The following DMD variants were observed in gnomAD, a reference collection of about 807,000 sequenced individuals.
The protein encoded by DMD is mutant dystrophin.
Under a neutral mutation model 330.1 loss-of-function variants are expected in DMD, and 63 were observed. The observed-to-expected ratio is 0.19, with a 90% CI of 0.16 to 0.24. The LOEUF (loss-of-function observed/expected upper bound fraction) is 0.24, where lower values mean the gene tolerates loss of function less well. DMD is among the 10% of genes least tolerant of loss of function. DMD has a pLI of 1.00. For missense variants in DMD, 3,344 were observed against 2,684.1 expected (o/e 1.25, Z -5.43); for synonymous variants, 1,223 against 959.8 (o/e 1.27, Z -5.07).
At chrX:31,137,221 G>A (rs1455739554) in intron 76 of DMD, among the ~76,000 whole-genome samples, 1 of 110,981 alleles carries the variant, frequency 9.0e-6, no homozygotes, top group African/African-American at 3.3e-5. Context: ...GGGTTTCACC[G>A]TGTTAGCCAG....
At chrX:32,072,490 TTC>T (rs1269119340) in intron 44 of DMD, among the ~76,000 whole-genome samples, 1 of 111,616 alleles carries the variant, frequency 9.0e-6, no homozygotes, top group Non-Finnish European at 1.9e-5. Flanking sequence ...AGTCATTGTG[TTC>T]TTTCTTGACT....
At chrX:31,431,891 T>C in intron 60 of DMD, among the ~76,000 whole-genome samples, 1 of 109,104 alleles carries the variant, frequency 9.2e-6, no homozygotes, top group South Asian at 4.1e-4. Context: ...CTCAGCTCAC[T>C]GCAACCTCCA....
intron 59 of DMD, among the ~76,000 whole-genome samples, chrX:31,473,953 G>T (rs1346542638): frequency 1.8e-5 from 2 of 111,735 alleles, no homozygotes; most frequent in Non-Finnish European, 3.8e-5. Context: ...GCTATTTTCA[G>T]TAAAGTGAAA....
intron 60 of DMD, among the ~76,000 whole-genome samples, chrX:31,405,589 TAAGA>T (rs764014207): frequency 4.5e-5 from 5 of 111,508 alleles, no homozygotes; most frequent in South Asian, 3.7e-4. Context: ...CTCAAATTAA[TAAGA>T]AAGAGCTACA....
intron 9 of DMD, among the ~76,000 whole-genome samples, chrX:32,650,873 A>G (rs1308264141): frequency 8.9e-6 from 1 of 112,054 alleles, no homozygotes; most frequent in Non-Finnish European, 1.9e-5. Flanking sequence ...ACTTAGTGTC[A>G]GTCAATTTGC....
intron 47 of DMD, among the ~76,000 whole-genome samples, chrX:31,886,925 G>A (rs1288243614): frequency 8.9e-6 from 1 of 111,886 alleles, no homozygotes; most frequent in Non-Finnish European, 1.9e-5. Flanking sequence ...AGAGGTTTAT[G>A]TATGTAGTGC....
At chrX:31,684,276 G>GT (rs967405130) in intron 52 of DMD, among the ~76,000 whole-genome samples, 2 of 112,059 alleles carry the variant, frequency 1.8e-5, no homozygotes, top group African/African-American at 6.5e-5. Context: ...GTCAAGAGAA[G>GT]TTTTTTCCCA....
intron 60 of DMD, among the ~76,000 whole-genome samples, chrX:31,350,954 G>C (rs1335989314): frequency 2.7e-5 from 3 of 110,095 alleles, no homozygotes; most frequent in African/African-American, 9.9e-5. Context: ...GCTTGAGCTG[G>C]GATGTCAGTC....
At chrX:33,194,952 T>A (rs1176960478) in intron 1 of DMD, among the ~76,000 whole-genome samples, 1 of 111,982 alleles carries the variant, frequency 8.9e-6, no homozygotes, top group Non-Finnish European at 1.9e-5. Flanking sequence ...GTTGTTAGAC[T>A]GGCTCTGTAG....
chrX:31,269,188 A>G (rs2051420557), intron 62 of DMD, among the ~76,000 whole-genome samples: 1 of 111,764 alleles, frequency 8.9e-6, no homozygotes, highest in Non-Finnish European at 1.9e-5. Flanking sequence ...TTGTTGTTCA[A>G]TTGCAGTCAG....
intron 1 of DMD, among the ~76,000 whole-genome samples, chrX:33,072,712 C>T (rs990476942): frequency 9.0e-6 from 1 of 111,359 alleles, no homozygotes; most frequent in African/African-American, 3.3e-5. Flanking sequence ...GCTCGGTGAG[C>T]ATTTCATCAG....
At chrX:32,333,869 G>A (rs2097692668) in intron 41 of DMD, among the ~76,000 whole-genome samples, 1 of 111,803 alleles carries the variant, frequency 8.9e-6, no homozygotes, top group Non-Finnish European at 1.9e-5. Context: ...TCCAGGTTCA[G>A]TTTCACGTAA....
At chrX:33,179,929 A>G (rs1226464678) in intron 1 of DMD, among the ~76,000 whole-genome samples, 1 of 106,363 alleles carries the variant, frequency 9.4e-6, no homozygotes, top group Non-Finnish European at 1.9e-5. Context: ...CTCCGTCTCC[A>G]GGGTTCAAGC....
intron 9 of DMD, among the ~76,000 whole-genome samples, chrX:32,661,488 T>C (rs1464446729): frequency 9.0e-6 from 1 of 111,473 alleles, no homozygotes; most frequent in Non-Finnish European, 1.9e-5. Flanking sequence ...TCTCACGAAA[T>C]CCTGAATATT....
chrX:31,847,023 C>G (rs1333111524), intron 48 of DMD, among the ~76,000 whole-genome samples: 4 of 111,545 alleles, frequency 3.6e-5, no homozygotes, highest in African/African-American at 1.3e-4. Flanking sequence ...GGTGGCATGC[C>G]AAATGAAATG....
In DMD at chrX:31,307,182, C is replaced by T. The variant is rs1470066087; in HGVS notation, c.9224+16416G>A. Among the ~76,000 whole-genome samples the T allele has an allele frequency of 3.6e-5, 4 of 111,451 alleles. No homozygotes were observed. In the Admixed American group the frequency reaches 3.9e-4, roughly 11 times the overall value. On this transcript the variant is annotated intron_variant, in intron 62 of 78. Transcript: ENST00000357033. The stretch of plus-strand genomic sequence containing the variant: ...TCTGATATACCCTGAGTTATAGTTA[C>T]AGTTACAGTTACAGTCAGATAACTT...
Position 31,230,678 on chromosome X carries a change from A to G in DMD, c.9287-7557T>C, listed in dbSNP as rs188067949. Reference sequence around the variant, plus strand: ...AAAAAAAAAAAGGGAGAGAAGCAATAAAGTACCTAGTATGGCACAAATGTG... The same window carrying G: ...AAAAAAAAAAAGGGAGAGAAGCAATGAAGTACCTAGTATGGCACAAATGTG... On this transcript the variant is annotated intron_variant, in intron 63 of 78. Coordinates refer to ENST00000357033, the MANE Select transcript of DMD (RefSeq NM_004006.3). Among the ~76,000 whole-genome samples, 101 of 111,222 alleles carry G rather than the reference A, an allele frequency of 9.1e-4. 1 individual carries two copies. Among genetic ancestry groups the G allele is most frequent in the Non-Finnish European group, 1.6e-3 (85 of 53,040 alleles).
In DMD at chrX:33,026,339, A is replaced by G. The variant is rs1473425709; in HGVS notation, c.32-6139T>C. Among the ~76,000 whole-genome samples, 14 of 100,301 alleles carry G rather than the reference A, an allele frequency of 1.4e-4. No individual in the cohort carries two copies. The South Asian group carries it at 5.4e-3, about 39-fold the overall frequency. 87.1% of individuals were successfully genotyped at this position (100,301 alleles called of 115,157 possible). On this transcript the variant is annotated intron_variant, in intron 1 of 78. Coordinates refer to ENST00000357033, the MANE Select transcript of DMD (RefSeq NM_004006.3). ...AAAAAAAAAAAAAAAAAAAAAAAAA[A>G]AAAAAAAAGAAAGAAAAGAAAATAA...
chrX:32,087,744 T>C (rs962103177), intron 44 of DMD, among the ~76,000 whole-genome samples: 6 of 111,918 alleles, frequency 5.4e-5, no homozygotes, highest in Admixed American at 2.8e-4. Context: ...AGCCAATCTA[T>C]GACTACAGGA....
Sources: gnomAD v4.1 joint callset for allele counts (sites outside exome capture counted in the v4.1 genomes callset) on GRCh38, gnomAD v4.1.1 for gene constraint, MANE v1.5 for transcripts, NCBI Gene and HGNC (gene_info 2026-07-23, HGNC 2026-07-21) for gene names.